Variants in GRM1 observed in about 807,000 individuals in gnomAD.
The protein encoded by GRM1 is glutamate metabotropic receptor 1.
A neutral mutation model predicts 90.9 loss-of-function variants in GRM1; 33 were observed. That is an observed-to-expected ratio of 0.36 (90% CI 0.28 to 0.49). GRM1 has a LOEUF of 0.49. GRM1 is among the 20% of genes least tolerant of loss of function. The pLI is 0.99. For synonymous variants in GRM1, 700 were observed against 613.2 expected, an observed-to-expected ratio of 1.14 and a Z score of -2.09; for missense variants, 1,190 against 1,534.3, an observed-to-expected ratio of 0.78 and a Z score of 3.75.
At chr6:146,355,444 C>T (rs1785549874) in intron 4 of GRM1, among the ~76,000 whole-genome samples, 1 of 152,134 alleles carries the variant, frequency 6.6e-6, no homozygotes. Context: ...CTGGGTGTAC[C>T]ATTCTCTCTT....
In GRM1 at chr6:146,434,393, G is replaced by T; in HGVS notation, c.3182G>T (p.Gly1061Val). The T allele has an allele frequency of 1.2e-6, 2 of 1,613,402 alleles. No individual in the cohort carries two copies. The highest frequency in any genetic ancestry group is 1.7e-6 in the Non-Finnish European group (2 of 1,179,724). ...GCAGGCCCCGGTGGTCCCGGGAACG[G>T]GCTGCGGTCCCTGTACCCGCCCCCG... ...VLAGPGGPGN[G>V]LRSLYPPPPP... is the part of the protein sequence containing the mutation. Residue 1061 changes from glycine to valine, a missense_variant, in exon 8 of 8, where the codon GGG becomes GTG. Transcript: ENST00000282753.
chr6:146,272,918 G>T (rs1422900928), intron 2 of GRM1, among the ~76,000 whole-genome samples: 2 of 152,136 alleles, frequency 1.3e-5, no homozygotes, highest in African/African-American at 4.8e-5. Context: ...GCTCCTGAAG[G>T]CTTTTCAGCA....
chr6:146,051,717 T>C (rs1447466851), intron 1 of GRM1, among the ~76,000 whole-genome samples: 1 of 152,112 alleles, frequency 6.6e-6, no homozygotes, highest in East Asian at 1.9e-4. Flanking sequence ...TCAAAGGTTA[T>C]TCCTATTTCA....
At chr6:146,285,301 C>T (rs1028341514) in intron 2 of GRM1, among the ~76,000 whole-genome samples, 2 of 152,106 alleles carry the variant, frequency 1.3e-5, no homozygotes, top group African/African-American at 4.8e-5. Context: ...GAAATAATCA[C>T]TCTCACCCTT....
At chr6:146,033,544 A>G (rs1050838925) in intron 1 of GRM1, among the ~76,000 whole-genome samples, 2 of 152,048 alleles carry the variant, frequency 1.3e-5, no homozygotes, top group East Asian at 3.8e-4. Context: ...TTATGTATTT[A>G]TTTATTTATC....
chr6:146,032,203 T>C (rs1350929949), intron 1 of GRM1, among the ~76,000 whole-genome samples: 1 of 152,184 alleles, frequency 6.6e-6, no homozygotes, highest in African/African-American at 2.4e-5. Context: ...TGGTGTTGTA[T>C]GGCAAAGACA....
At position 146,122,428 on chromosome 6, in the gene GRM1, C is replaced by T. The variant is rs374679970; in HGVS notation, c.701-36920C>T. ...ATTCCTATAAAAATTTTATGAAGTG[C>T]TCACTCTCTGAAGATGTTAGTGTTT... is the stretch of plus-strand genomic sequence containing the variant. On this transcript the variant is annotated intron_variant, in intron 1 of 7. Transcript: ENST00000282753. Among the ~76,000 whole-genome samples the T allele has an allele frequency of 6.4e-4, 98 of 152,192 alleles. 1 individual carries two copies. The highest frequency in any genetic ancestry group is 4.8e-3 in the South Asian group (23 of 4,828).
At chr6:146,398,643 A>C in intron 6 of GRM1, 126 bp from the exon 7 acceptor site, 2 of 784,984 alleles carry the variant, frequency 2.5e-6, no homozygotes, top group African/African-American at 1.7e-5. Context: ...TGCATTTTTA[A>C]AAAAGCATTA....
intron 2 of GRM1, among the ~76,000 whole-genome samples, chr6:146,185,291 T>G (rs542037467): frequency 1.3e-5 from 2 of 152,328 alleles, no homozygotes; most frequent in South Asian, 4.1e-4. Flanking sequence ...AACATTCCAC[T>G]TTGGAAAAAG....
intron 7 of GRM1, among the ~76,000 whole-genome samples, chr6:146,430,770 G>T (rs938025604): frequency 6.6e-6 from 1 of 152,050 alleles, no homozygotes; most frequent in Admixed American, 6.5e-5. Context: ...CAGTTCTTAA[G>T]CCTTCACCTG....
At chr6:146,254,879 A>T (rs1463826067) in intron 2 of GRM1, among the ~76,000 whole-genome samples, 2 of 152,188 alleles carry the variant, frequency 1.3e-5, no homozygotes, top group Admixed American at 6.5e-5. Context: ...ACAGTCAGTG[A>T]CTGAATGACC....
chr6:146,337,546 G>A (rs1784818040), intron 3 of GRM1, among the ~76,000 whole-genome samples: 1 of 152,102 alleles, frequency 6.6e-6, no homozygotes. Context: ...CTAGTCTCTG[G>A]GATTGCTGCC....
rs1053955120 is a variant in GRM1 at position 146,169,154 on chromosome 6, A to G, written c.950+9557A>G. Among the ~76,000 whole-genome samples the G allele has an allele frequency of 5.3e-5, 8 of 152,168 alleles. No homozygotes were observed. In the East Asian group the frequency reaches 1.5e-3, roughly 29 times the overall value. On this transcript the variant is annotated intron_variant, in intron 2 of 7. Transcript: ENST00000282753. ...TTCTTTTACATTTTCAACAGTTTCTATTGCTATAACTTTGAGTACACTGAT... is the reference window on the plus strand; with the variant it reads ...TTCTTTTACATTTTCAACAGTTTCTGTTGCTATAACTTTGAGTACACTGAT...
At chr6:146,045,038 A>G (rs893851767) in intron 1 of GRM1, among the ~76,000 whole-genome samples, 3 of 151,904 alleles carry the variant, frequency 2.0e-5, no homozygotes, top group East Asian at 3.9e-4. Flanking sequence ...CGCAATATGG[A>G]CAGAACCTCT....
At position 146,283,618 on chromosome 6, in the gene GRM1, A is replaced by T. The variant is rs145984722; in HGVS notation, c.951-20993A>T. Among the ~76,000 whole-genome samples the T allele has an allele frequency of 1.8e-3, 271 of 152,300 alleles. 2 individuals carry two copies. Among genetic ancestry groups the T allele is most frequent in the African/African-American group, 6.0e-3 (248 of 41,566 alleles). The stretch of plus-strand genomic sequence containing the variant: ...AGAAAAAGAGTGGAAGAAAATGATA[A>T]TACCTCATATTTATTAAACACTTGC... On this transcript the variant is annotated intron_variant, in intron 2 of 7. Transcript: ENST00000282753.
chr6:146,246,983 T>C (rs1781081385), intron 2 of GRM1, among the ~76,000 whole-genome samples: 1 of 152,160 alleles, frequency 6.6e-6, no homozygotes. Context: ...GAATTTATAA[T>C]ATGGGGGAAG....
intron 2 of GRM1, among the ~76,000 whole-genome samples, chr6:146,188,747 C>A (rs1008996769): frequency 1.3e-5 from 2 of 152,178 alleles, no homozygotes; most frequent in Admixed American, 1.3e-4. Context: ...CATCTCCCAG[C>A]AAATTCATAA....
chr6:146,335,951 A>T (rs1263695992), intron 3 of GRM1, among the ~76,000 whole-genome samples: 1 of 152,134 alleles, frequency 6.6e-6, no homozygotes, highest in Non-Finnish European at 1.5e-5. Context: ...TACAGAGGGC[A>T]GTTCCCCTGC....
chr6:146,354,419 C>T (rs1785512978), intron 4 of GRM1, among the ~76,000 whole-genome samples: 1 of 152,196 alleles, frequency 6.6e-6, no homozygotes. Flanking sequence ...TAGCACAAGG[C>T]CAGATGCATT....
Sources: gnomAD v4.1 joint callset for allele counts (sites outside exome capture counted in the v4.1 genomes callset) on GRCh38, gnomAD v4.1.1 for gene constraint, MANE v1.5 for transcripts, NCBI Gene and HGNC (gene_info 2026-07-23, HGNC 2026-07-21) for gene names.